The following DRAP1 variants were observed in gnomAD, a reference collection of about 807,000 sequenced individuals.
DRAP1 encodes the protein dr1-associated corepressor.
Under a neutral mutation model 24.1 loss-of-function variants are expected in DRAP1, and 10 were observed. That is an observed-to-expected ratio of 0.41 (90% CI 0.26 to 0.70). The LOEUF (loss-of-function observed/expected upper bound fraction) is 0.70. DRAP1 is among the 30% of genes least tolerant of loss of function. The pLI, the probability that DRAP1 is intolerant of heterozygous loss-of-function variation, is 0.29. For synonymous variants in DRAP1, 122 were observed against 113.8 expected, an observed-to-expected ratio of 1.07 and a Z score of -0.46; for missense variants, 264 against 275.6, an observed-to-expected ratio of 0.96 and a Z score of 0.30.
intron 6 of DRAP1, 115 bp from the exon 7 acceptor site, chr11:65,921,215 G>A: frequency 1.3e-6 from 1 of 747,576 alleles, no homozygotes; most frequent in Non-Finnish European, 2.2e-6. Context: ...TGGCCGCATG[G>A]ATCTGGAGGG....
In DRAP1 at chr11:65,920,862, C is replaced by G. The variant is rs762174450; in HGVS notation, c.424-22C>G. 2.4e-5 allele frequency: 39 copies of G among 1,601,610 alleles called. No individual in the cohort carries two copies. The East Asian group carries it at 2.9e-4, about 12-fold the overall frequency. ...GGGTTCGTGTCTTTTCTTGTCAACT[C>G]TGACCTCTGCGGTGCTCACAGGATG... On this transcript the variant is annotated intron_variant, in intron 5 of 6. Transcript: ENST00000312515.
At chr11:65,920,765 C>T (rs1854540483) in intron 5 of DRAP1, 103 bp downstream of exon 5, 10 of 1,449,380 alleles carry the variant, frequency 6.9e-6, no homozygotes, top group South Asian at 2.8e-5. Context: ...TTTCTGCAAC[C>T]TGTTTGCTCA....
At position 65,919,472 on chromosome 11, in the gene DRAP1, T is replaced by G; in HGVS notation, c.-30T>G. 1 of 1,529,358 alleles carries G rather than the reference T, an allele frequency of 6.5e-7. No individual in the cohort carries two copies. Among genetic ancestry groups the G allele is most frequent in the South Asian group, 1.2e-5 (1 of 81,958 alleles). The allele number at this position is 1,529,358 out of a possible 1,614,324, so 94.7% of individuals were successfully genotyped here. The stretch of plus-strand genomic sequence containing the variant: ...GCCGGGAGGCTGCGGGCGGCGGCGC[T>G]GGACCCGACGCGGCGAGAGAGGCCC... On this transcript the variant is annotated 5_prime_UTR_variant, in exon 1 of 7. Transcript: ENST00000312515.
Position 65,919,986 on chromosome 11 carries a change from A to G in DRAP1, c.154A>G (p.Lys52Glu). The G allele has an allele frequency of 1.2e-6, 2 of 1,613,812 alleles. No individual in the cohort carries two copies. The highest frequency in any genetic ancestry group is 1.7e-6 in the Non-Finnish European group (2 of 1,179,932). Residue 52 changes from lysine (K) to glutamate (E), a missense_variant, in exon 3 of 7, where the codon AAG becomes GAG. Around this residue, in one of 2 missense-constraint regions of DRAP1, gnomAD observed 243 missense variants for 233.6 expected, o/e 1.04. Transcript: ENST00000312515. ...GCTCTTCCTAGAGTCGCTGTTGAAGAAGGCCTGCCAGGTGACCCAGTCGCG... is the reference window on the plus strand; with the variant it reads ...GCTCTTCCTAGAGTCGCTGTTGAAGGAGGCCTGCCAGGTGACCCAGTCGCG... Reference protein sequence around the residue: ...LELFLESLLKKACQVTQSRNA... With the variant: ...LELFLESLLKEACQVTQSRNA...
intron 6 of DRAP1, 42 bp downstream of exon 6, chr11:65,921,014 C>A: frequency 6.8e-7 from 1 of 1,466,220 alleles, no homozygotes; most frequent in Non-Finnish European, 9.3e-7. Flanking sequence ...GCAGACTCCC[C>A]AGAGCCAACT....
At position 65,920,941 on chromosome 11, in the gene DRAP1, C is replaced by G. The variant is rs1348509305; in HGVS notation, c.481C>G (p.Gln161Glu). Residue 161 changes from glutamine (Q) to glutamate (E), a missense_variant, in exon 6 of 7, where the codon CAG (glutamine) becomes GAG (glutamate). Gln to Glu is a conservative substitution (Grantham distance 29). Transcript: ENST00000312515. ...AGAGGAGACATCACAACCCCCACCC[C>G]AGGCCAGCCACCCCTCTGCCCACTT... ...GEEETSQPPP[Q>E]ASHPSAHFQS... The G allele has an allele frequency of 6.2e-7, 1 of 1,613,130 alleles. No individual in the cohort carries two copies. The highest frequency in any genetic ancestry group is 8.5e-7 in the Non-Finnish European group (1 of 1,179,518).
chr11:65,920,573 C>T lies in DRAP1; in HGVS notation c.334C>T (p.Arg112Trp), dbSNP rs759048752. 9.4e-6 allele frequency: 15 copies of T among 1,594,850 alleles called. No homozygotes were observed. Among genetic ancestry groups the T allele is most frequent in the East Asian group, 4.5e-5 (2 of 44,616 alleles). ...MDGDKGARRGRKPGSGGRKNG... is the reference protein window; with the variant it reads ...MDGDKGARRGWKPGSGGRKNG... ...ATGGACTGTACCTTCCCAAAGGGGC[C>T]GGAAGCCAGGCAGCGGCGGCCGGAA... is the stretch of plus-strand genomic sequence containing the variant. Residue 112 changes from arginine (R) to tryptophan (W), a missense_variant, in exon 5 of 7, where the codon CGG becomes TGG. By Grantham distance (101) the Arg-to-Trp change is moderately radical. Coordinates refer to ENST00000312515, the MANE Select transcript of DRAP1 (RefSeq NM_006442.4).
chr11:65,919,698 C>A, intron 1 of DRAP1, 82 bp from the exon 2 acceptor site: 1 of 1,571,466 alleles, frequency 6.4e-7, no homozygotes. Context: ...CGCCCCCTTT[C>A]TCCGGGGATG....
intron 4 of DRAP1, 31 bp downstream of exon 4, chr11:65,920,493 AGGCCAAGGCCACAGGGCTTGGGGGT>A (rs1361020490): frequency 3.7e-5 from 60 of 1,613,210 alleles, no homozygotes; most frequent in Non-Finnish European, 5.0e-5. Flanking sequence ...ACAGTGGGGA[AGGCCAAGGCCACAGGGCTTGGGGGT>A]GGCCAAGGAG....
chr11:65,921,487 G>C lies in DRAP1; in HGVS notation c.*52G>C, dbSNP rs780449582. On this transcript the variant is annotated 3_prime_UTR_variant, in exon 7 of 7. Coordinates refer to ENST00000312515, the MANE Select transcript of DRAP1 (RefSeq NM_006442.4). ...CCTTTTAGTTGGTTTTAGTTGCTCT[G>C]GGGGGAGGAGAGAAGGTAGAGCTGT... 2 of 841,572 alleles carry C rather than the reference G, an allele frequency of 2.4e-6. No individual in the cohort carries two copies. The highest frequency in any genetic ancestry group is 1.7e-5 in the African/African-American group (1 of 58,418). The allele number at this position is 841,572 out of a possible 1,614,324, so 52.1% of individuals were successfully genotyped here. A position where few individuals can be genotyped will look rare whatever the true frequency, so the allele number is the denominator to read the frequency against.
intron 1 of DRAP1, 44 bp downstream of exon 1, chr11:65,919,587 G>C (rs1186068802): frequency 1.9e-6 from 3 of 1,547,840 alleles, no homozygotes; most frequent in East Asian, 4.9e-5. Flanking sequence ...CCGGCTCCCG[G>C]GTGGCTTGGG....
rs1402439360 is a variant in DRAP1 at position 65,921,484 on chromosome 11, T to G, written c.*49T>G. The G allele has an allele frequency of 1.1e-6, 1 of 895,470 alleles. No individual in the cohort carries two copies. The highest frequency in any genetic ancestry group is 1.5e-5 in the South Asian group (1 of 66,702). 55.5% of individuals were successfully genotyped at this position (895,470 alleles called of 1,614,324 possible). ...GCCCCTTTTAGTTGGTTTTAGTTGC[T>G]CTGGGGGGAGGAGAGAAGGTAGAGC... On this transcript the variant is annotated 3_prime_UTR_variant, in exon 7 of 7. Coordinates refer to ENST00000312515, the MANE Select transcript of DRAP1 (RefSeq NM_006442.4).
chr11:65,919,682 G>GT, intron 1 of DRAP1, 98 bp from the exon 2 acceptor site: 1 of 1,539,644 alleles, frequency 6.5e-7, no homozygotes. Flanking sequence ...CCGCGTCCGT[G>GT]TCCCCCGCCC....
chr11:65,920,898 C>T lies in DRAP1; in HGVS notation c.438C>T (p.Asp146=), dbSNP rs769532800. 4.3e-6 allele frequency: 7 copies of T among 1,613,034 alleles called. No individual in the cohort carries two copies. Among genetic ancestry groups the T allele is most frequent in the South Asian group, 1.1e-5 (1 of 90,960 alleles). The change falls in exon 6 of 7, where the codon GAC becomes GAT. Residue 146 remains aspartate, a synonymous_variant. Coordinates refer to ENST00000312515, the MANE Select transcript of DRAP1 (RefSeq NM_006442.4). ...GGTGCTCACAGGATGAATCTGAGGA[C>T]ACAGATACTGATGGGGAAGAGGAGA... ...TDSEQEDESE[D]TDTDGEEETS...
Position 65,920,746 on chromosome 11 carries a change from TCTCATC to T in DRAP1, c.423+87_423+92del, listed in dbSNP as rs149191724. ...CAGGCTGAACTGGCAGGAGGCCAGCTCTCATCCTTTTCTGCAACCTGTTTGCTCACT... is the reference window on the plus strand; with the variant it reads ...CAGGCTGAACTGGCAGGAGGCCAGCTCTTTTCTGCAACCTGTTTGCTCACT... On this transcript the variant is annotated intron_variant, in intron 5 of 6. Coordinates refer to ENST00000312515, the MANE Select transcript of DRAP1 (RefSeq NM_006442.4). 7.1e-3 allele frequency: 10,245 copies of T among 1,449,518 alleles called. 508 individuals are homozygous for T. In the African/African-American group the frequency reaches 0.12, roughly 17 times the overall value. The allele number at this position is 1,449,518 out of a possible 1,614,324, so 89.8% of individuals were successfully genotyped here.
Position 65,920,865 on chromosome 11 carries a change from AC to A in DRAP1, c.424-17del. The A allele has an allele frequency of 6.2e-7, 1 of 1,602,736 alleles. No individual in the cohort carries two copies. The highest frequency in any genetic ancestry group is 1.1e-5 in the South Asian group (1 of 89,626). ...TTCGTGTCTTTTCTTGTCAACTCTG[AC>A]CTCTGCGGTGCTCACAGGATGAATC... On this transcript the variant is annotated intron_variant, in intron 5 of 6. Coordinates refer to ENST00000312515, the MANE Select transcript of DRAP1 (RefSeq NM_006442.4).
intron 6 of DRAP1, 26 bp downstream of exon 6, chr11:65,920,998 G>A (rs947190759): frequency 2.6e-6 from 4 of 1,556,952 alleles, no homozygotes; most frequent in South Asian, 1.2e-5. Flanking sequence ...GCATGGGAGG[G>A]TGCTGGCAGA....
chr11:65,921,026 AC>A, intron 6 of DRAP1, 54 bp downstream of exon 6: 1 of 1,379,520 alleles, frequency 7.2e-7, no homozygotes, highest in African/African-American at 1.5e-5. Flanking sequence ...GAGCCAACTT[AC>A]CCCTCTTGTT....
At chr11:65,919,587 G>A in intron 1 of DRAP1, 44 bp downstream of exon 1, 1 of 1,547,840 alleles carries the variant, frequency 6.5e-7, no homozygotes, top group Non-Finnish European at 8.7e-7. Flanking sequence ...CCGGCTCCCG[G>A]GTGGCTTGGG....
Sources: allele counts gnomAD v4.1 joint callset, GRCh38; gene constraint gnomAD v4.1.1; regional missense constraint gnomAD v4.1.1; transcripts MANE v1.5; gene names NCBI Gene and HGNC (gene_info 2026-07-23, HGNC 2026-07-21).